PAM: variants seen among roughly 807,000 people sequenced by gnomAD.
The protein encoded by PAM is peptidylglycine alpha-amidating monooxygenase.
A neutral mutation model predicts 122.1 loss-of-function variants in PAM; 72 were observed. The ratio of observed to expected loss-of-function variants is 0.59; its 90% CI spans 0.49 to 0.72. The LOEUF (loss-of-function observed/expected upper bound fraction) is 0.72, where lower values mean the gene tolerates loss of function less well. PAM is among the 30% of genes least tolerant of loss of function. The probability of loss-of-function intolerance (pLI) is 0.00; values close to 1 mark genes in which losing one functional copy is unlikely to be tolerated. For synonymous variants in PAM, 389 were observed against 404.4 expected, an observed-to-expected ratio of 0.96 and a Z score of 0.46; for missense variants, 1,106 against 1,183.7, an observed-to-expected ratio of 0.93 and a Z score of 0.96.
intron 3 of PAM, among the ~76,000 whole-genome samples, chr5:102,882,050 GGAA>G: frequency 1.3e-5 from 1 of 78,832 alleles, no homozygotes; most frequent in African/African-American, 5.1e-5. Context: ...ATTCCATCGT[GGAA>G]TATATATATA....
chr5:102,818,690 C>T (rs1580515806), intron 1 of PAM, among the ~76,000 whole-genome samples: 1 of 152,158 alleles, frequency 6.6e-6, no homozygotes, highest in African/African-American at 2.4e-5. Context: ...ATGAGTTCTT[C>T]CCTCCTTTGT....
chr5:102,908,293 C>T lies in PAM; in HGVS notation c.269-5641C>T, dbSNP rs563828579. The stretch of plus-strand genomic sequence containing the variant: ...AGATCAGATAGTTGTAGATATGCGG[C>T]GTTATTTCTGAGGGCTCTGTTCTGT... On this transcript the variant is annotated intron_variant, in intron 4 of 25. Coordinates refer to ENST00000438793, the MANE Select transcript of PAM (RefSeq NM_001177306.2). Among the ~76,000 whole-genome samples, 14 of 151,810 alleles carry T rather than the reference C, an allele frequency of 9.2e-5. No individual in the cohort carries two copies. The South Asian group carries it at 1.0e-3, about 11-fold the overall frequency.
At chr5:102,867,060 AT>A (rs1785813060) in intron 2 of PAM, among the ~76,000 whole-genome samples, 2 of 152,176 alleles carry the variant, frequency 1.3e-5, no homozygotes, top group African/African-American at 4.8e-5. Flanking sequence ...CATTGGTTAT[AT>A]TTTATTTACA....
chr5:102,844,210 G>A (rs550247279), intron 1 of PAM, among the ~76,000 whole-genome samples: 2 of 152,140 alleles, frequency 1.3e-5, no homozygotes, highest in South Asian at 2.1e-4. Flanking sequence ...CTCAGATTAC[G>A]CACTATATGA....
At chr5:102,993,460 C>T (rs1774770034) in intron 16 of PAM, among the ~76,000 whole-genome samples, 3 of 152,086 alleles carry the variant, frequency 2.0e-5, no homozygotes, top group Admixed American at 6.6e-5. Flanking sequence ...ACCCACTTAA[C>T]TTAACTATGG....
chr5:102,968,166 G>A (rs1737895707), intron 14 of PAM, among the ~76,000 whole-genome samples: 1 of 152,128 alleles, frequency 6.6e-6, no homozygotes, highest in African/African-American at 2.4e-5. Context: ...AATAAACCTA[G>A]CACTTGAGCT....
rs1172097021 is a variant in PAM, at chr5:103,003,086, A to T, written c.1667A>T (p.Glu556Val). Residue 556 changes from glutamate (E) to valine (V), a missense_variant, in exon 17 of 26, where the codon GAA becomes GTA. Glu to Val is a moderately radical substitution (Grantham distance 121). Around this residue, in one of 3 missense-constraint regions of PAM, gnomAD observed 670 missense variants for 690.3 expected, o/e 0.97. Transcript: ENST00000438793. Reference protein sequence around the residue: ...YQQIGLGPIEEDTILVIDPNN... With the variant: ...YQQIGLGPIEVDTILVIDPNN... ...CAAATAGGACTCGGACCAATTGAAG[A>T]AGACACTATTCTTGTCATAGATCCA... 8.7e-6 allele frequency: 14 copies of T among 1,609,720 alleles called. No homozygotes were observed. Among genetic ancestry groups the T allele is most frequent in the Non-Finnish European group, 9.4e-6 (11 of 1,176,130 alleles).
chr5:102,835,871 T>C (rs1247468542), intron 1 of PAM, among the ~76,000 whole-genome samples: 2 of 152,144 alleles, frequency 1.3e-5, no homozygotes, highest in Admixed American at 1.3e-4. Flanking sequence ...AATTGCTATA[T>C]ATTATAGTAG....
At chr5:102,849,442 C>T (rs546565208) in intron 1 of PAM, among the ~76,000 whole-genome samples, 1 of 151,446 alleles carries the variant, frequency 6.6e-6, no homozygotes, top group South Asian at 2.1e-4. Context: ...CCTGTAGTCC[C>T]AGCTACTTGG....
At chr5:102,841,129 A>C (rs1012313816) in intron 1 of PAM, among the ~76,000 whole-genome samples, 3 of 152,174 alleles carry the variant, frequency 2.0e-5, no homozygotes, top group African/African-American at 7.2e-5. Flanking sequence ...ACTAGTATAG[A>C]AACAAGAAAT....
rs1028528378 is a variant in PAM, at chr5:102,885,202, A to G, written c.211-16154A>G. Among the ~76,000 whole-genome samples the G allele has an allele frequency of 1.3e-5, 2 of 151,898 alleles. 1 individual carries two copies. Among genetic ancestry groups the G allele is most frequent in the Admixed American group, 1.3e-4 (2 of 15,196 alleles). On this transcript the variant is annotated intron_variant, in intron 3 of 25. Coordinates refer to ENST00000438793, the MANE Select transcript of PAM (RefSeq NM_001177306.2). The stretch of plus-strand genomic sequence containing the variant: ...CATCAAAGTAGATTCAAGCAGGAAA[A>G]AAATATCACTAGAACATTTTAGCCT...
In PAM at chr5:102,965,787, CG is replaced by C. The variant is rs1763919116; in HGVS notation, c.1162+4560del. 3.3e-5 allele frequency among the ~76,000 whole-genome samples: 5 copies of C among 152,108 alleles called. No individual in the cohort carries two copies. In the South Asian group the frequency reaches 1.0e-3, roughly 32 times the overall value. ...ATGACCCCAGATAGTTAAAGGTCTTCGGACACCTTCTGTGAAACAGTAATTT... is the reference window on the plus strand; with the variant it reads ...ATGACCCCAGATAGTTAAAGGTCTTCGACACCTTCTGTGAAACAGTAATTT... On this transcript the variant is annotated intron_variant, in intron 14 of 25. Transcript: ENST00000438793.
intron 14 of PAM, among the ~76,000 whole-genome samples, chr5:102,968,352 A>G (rs1469826515): frequency 6.6e-6 from 1 of 152,182 alleles, no homozygotes; most frequent in Non-Finnish European, 1.5e-5. Context: ...TCTCCTTCAA[A>G]TCCCAGTTCA....
chr5:103,021,287 A>G (rs1783480593), intron 23 of PAM, among the ~76,000 whole-genome samples: 1 of 152,198 alleles, frequency 6.6e-6, no homozygotes, highest in South Asian at 2.1e-4. Flanking sequence ...GATACCACCA[A>G]TTCATTCACT....
chr5:102,811,251 A>ACACAAGTCT (rs1287535259), intron 1 of PAM, among the ~76,000 whole-genome samples: 1 of 152,228 alleles, frequency 6.6e-6, no homozygotes, highest in Non-Finnish European at 1.5e-5. Flanking sequence ...TACAAGTCTG[A>ACACAAGTCT]CACAAGTCTC....
chr5:103,025,695 C>T (rs539299580), intron 24 of PAM, among the ~76,000 whole-genome samples: 1 of 152,078 alleles, frequency 6.6e-6, no homozygotes, highest in Admixed American at 6.6e-5. Flanking sequence ...AGGAAGAGGC[C>T]CAGTCCTCAA....
Position 102,781,966 on chromosome 5 carries a change from A to G in PAM, c.-374+26618A>G, listed in dbSNP as rs540329739. On this transcript the variant is annotated intron_variant, in intron 1 of 25. Coordinates refer to ENST00000438793, the MANE Select transcript of PAM (RefSeq NM_001177306.2). ...AAAGCTTGCCCAAGGTCGTAAGGGT[A>G]AGTGGCTGGTCTGCGATCTGAAAAC... 9.8e-5 allele frequency among the ~76,000 whole-genome samples: 15 copies of G among 152,326 alleles called. No homozygotes were observed. In the South Asian group the frequency reaches 3.1e-3, roughly 32 times the overall value.
intron 7 of PAM, among the ~76,000 whole-genome samples, chr5:102,927,322 G>A (rs923500846): frequency 6.6e-6 from 1 of 152,178 alleles, no homozygotes; most frequent in African/African-American, 2.4e-5. Context: ...ATCAATGCTT[G>A]TTACTCCTGC....
At chr5:102,935,923 GAGC>G (rs1218249294) in intron 7 of PAM, among the ~76,000 whole-genome samples, 1 of 152,176 alleles carries the variant, frequency 6.6e-6, no homozygotes, top group Non-Finnish European at 1.5e-5. Context: ...ACAGAAGGTA[GAGC>G]ATAGGCAGCC....
Sources: allele counts gnomAD v4.1 joint callset (sites outside exome capture counted in the v4.1 genomes callset), GRCh38; gene constraint gnomAD v4.1.1; regional missense constraint gnomAD v4.1.1; transcripts MANE v1.5; gene names NCBI Gene and HGNC (gene_info 2026-07-23, HGNC 2026-07-21).